TMEM266: variants seen among roughly 807,000 people sequenced by gnomAD.
TMEM266 encodes the protein Hv1 related protein 1.
A neutral mutation model predicts 50.5 loss-of-function variants in TMEM266; 33 were observed. The ratio of observed to expected loss-of-function variants is 0.65; its 90% CI spans 0.50 to 0.87. The LOEUF (loss-of-function observed/expected upper bound fraction) is 0.87, where lower values mean the gene tolerates loss of function less well. Ranked by LOEUF, TMEM266 falls within the 40% of genes least tolerant of loss-of-function variation. TMEM266 has a pLI of 0.00. For missense variants in TMEM266, 655 were observed against 695.1 expected, an observed-to-expected ratio of 0.94 and a Z score of 0.65; for synonymous variants, 310 against 292.3, an observed-to-expected ratio of 1.06 and a Z score of -0.62.
At chr15:76,137,302 A>G (rs1203082522) in intron 2 of TMEM266, among the ~76,000 whole-genome samples, 10 of 152,170 alleles carry the variant, frequency 6.6e-5, no homozygotes, top group Admixed American at 2.0e-4. Flanking sequence ...CACCTTTACA[A>G]AGAAACTCAG....
At chr15:76,142,217 C>T (rs1232162520) in intron 3 of TMEM266, among the ~76,000 whole-genome samples, 3 of 152,148 alleles carry the variant, frequency 2.0e-5, no homozygotes, top group Non-Finnish European at 2.9e-5. Flanking sequence ...GGCAAAACCC[C>T]GTCACTACTA....
intron 1 of TMEM266, among the ~76,000 whole-genome samples, chr15:76,086,226 A>T (rs2036775096): frequency 6.6e-6 from 1 of 152,220 alleles, no homozygotes; most frequent in African/African-American, 2.4e-5. Flanking sequence ...GCAATAACCT[A>T]GATGAGTCTC....
chr15:76,066,799 G>A (rs2036430917), intron 1 of TMEM266, among the ~76,000 whole-genome samples: 1 of 152,096 alleles, frequency 6.6e-6, no homozygotes, highest in African/African-American at 2.4e-5. Context: ...CACAACCCTG[G>A]AAGCCACAAA....
intron 1 of TMEM266, chr15:76,112,463 CTA>C (rs1157986458): frequency 1.3e-5 from 2 of 152,100 alleles, no homozygotes; most frequent in Non-Finnish European, 2.9e-5. Flanking sequence ...AAAATAAAGT[CTA>C]TTAATTTTTG....
chr15:76,110,149 G>A (rs932811684), intron 1 of TMEM266, among the ~76,000 whole-genome samples: 4 of 151,826 alleles, frequency 2.6e-5, no homozygotes, highest in Non-Finnish European at 1.5e-5. Context: ...ACAGGTGCAC[G>A]CCACCACACC....
intron 3 of TMEM266, among the ~76,000 whole-genome samples, chr15:76,151,621 G>A (rs2037844366): frequency 6.6e-6 from 1 of 152,090 alleles, no homozygotes; most frequent in Non-Finnish European, 1.5e-5. Context: ...TGATGCTCCA[G>A]GGCTGCTTGA....
chr15:76,092,719 A>T (rs1008066767), intron 1 of TMEM266, among the ~76,000 whole-genome samples: 2 of 151,590 alleles, frequency 1.3e-5, no homozygotes, highest in Admixed American at 6.6e-5. Flanking sequence ...TATAGCTAAT[A>T]GTCACTGAAT....
At chr15:76,135,257 G>A (rs1032047808) in intron 2 of TMEM266, among the ~76,000 whole-genome samples, 2 of 152,186 alleles carry the variant, frequency 1.3e-5, no homozygotes, top group East Asian at 1.9e-4. Context: ...CTACCATACC[G>A]TTCTTTGTAT....
At chr15:76,203,237 C>G (rs531847618) in intron 10 of TMEM266, among the ~76,000 whole-genome samples, 11 of 152,304 alleles carry the variant, frequency 7.2e-5, no homozygotes, top group African/African-American at 2.4e-4. Flanking sequence ...GTTCCCTGCC[C>G]TGGCACACCA....
At chr15:76,150,955 C>T (rs1427012338) in intron 3 of TMEM266, among the ~76,000 whole-genome samples, 2 of 152,182 alleles carry the variant, frequency 1.3e-5, no homozygotes, top group Non-Finnish European at 2.9e-5. Context: ...CCCTCCCACC[C>T]CAGGATTTCT....
Position 76,161,767 on chromosome 15 carries a change from T to C in TMEM266, c.456+1599T>C, listed in dbSNP as rs1040425417. Among the ~76,000 whole-genome samples, 5 of 152,122 alleles carry C rather than the reference T, an allele frequency of 3.3e-5. No individual in the cohort carries two copies. The highest frequency in any genetic ancestry group is 6.5e-5 in the Admixed American group (1 of 15,280). On this transcript the variant is annotated intron_variant, in intron 5 of 10. Coordinates refer to ENST00000388942, the MANE Select transcript of TMEM266 (RefSeq NM_152335.3). This position sits in a 1 kb window ranked among gnomAD's most constrained non-coding sequence, Gnocchi z 4.1. ...CAGAGCAGAGTGCCTGCTCCCCAGC[T>C]TACAGCCCCCATGTGGGTCTTGCCC... is the stretch of plus-strand genomic sequence containing the variant.
At chr15:76,116,404 C>G (rs1257140020) in intron 1 of TMEM266, among the ~76,000 whole-genome samples, 1 of 152,110 alleles carries the variant, frequency 6.6e-6, no homozygotes, top group Non-Finnish European at 1.5e-5. Flanking sequence ...AGGTATGCAC[C>G]CCTCCCTCAT....
At chr15:76,082,883 C>T (rs1167891490) in intron 1 of TMEM266, among the ~76,000 whole-genome samples, 1 of 152,104 alleles carries the variant, frequency 6.6e-6, no homozygotes, top group Non-Finnish European at 1.5e-5. Context: ...ACAGGAGAAT[C>T]ACTTGAGCCC....
In TMEM266 at chr15:76,137,694, C is replaced by T. The variant is rs182426528; in HGVS notation, c.39-13C>T. ...AGATAACTCTTTCCCATTGTTCCTCCTCTCCAACCCAGGCCTGCCATAGAA... is the reference window on the plus strand; with the variant it reads ...AGATAACTCTTTCCCATTGTTCCTCTTCTCCAACCCAGGCCTGCCATAGAA... On this transcript the variant is annotated splice_polypyrimidine_tract_variant and intron_variant, in intron 2 of 10. Coordinates refer to ENST00000388942, the MANE Select transcript of TMEM266 (RefSeq NM_152335.3). 382 of 1,613,346 alleles carry T rather than the reference C, an allele frequency of 2.4e-4. 4 individuals are homozygous for T. The East Asian group carries it at 8.5e-3, about 36-fold the overall frequency.
rs987140662 is a variant in TMEM266, at chr15:76,115,781, T to C, written c.-96-18387T>C. 2.0e-5 allele frequency among the ~76,000 whole-genome samples: 3 copies of C among 152,166 alleles called. No individual in the cohort carries two copies. In the East Asian group the frequency reaches 5.8e-4, roughly 29 times the overall value. ...TGGCCATCCTGCATCATTCAATATG[T>C]ATCCCTTCTATATTTGGGGAAATTC... On this transcript the variant is annotated intron_variant, in intron 1 of 10. Transcript: ENST00000388942.
At chr15:76,133,286 A>G (rs2037541582) in intron 1 of TMEM266, among the ~76,000 whole-genome samples, 1 of 151,938 alleles carries the variant, frequency 6.6e-6, no homozygotes. Flanking sequence ...ATACAAAAAC[A>G]TTAGCTGGAC....
At chr15:76,194,621 C>G (rs1362809577) in intron 9 of TMEM266, among the ~76,000 whole-genome samples, 1 of 152,170 alleles carries the variant, frequency 6.6e-6, no homozygotes, top group Non-Finnish European at 1.5e-5. Context: ...GGTTGCTTCC[C>G]TCTGGGGGCT....
intron 9 of TMEM266, among the ~76,000 whole-genome samples, chr15:76,194,331 G>T (rs1007594658): frequency 1.3e-5 from 2 of 152,120 alleles, no homozygotes; most frequent in Non-Finnish European, 2.9e-5. Context: ...CATCTTCATC[G>T]TTCAGCCTTT....
chr15:76,089,221 G>A (rs1442312064), intron 1 of TMEM266, among the ~76,000 whole-genome samples: 2 of 151,532 alleles, frequency 1.3e-5, no homozygotes, highest in Non-Finnish European at 2.9e-5. Context: ...TAGAGATGGA[G>A]TCTCGCTCTG....
Sources: allele counts gnomAD v4.1 joint callset (sites outside exome capture counted in the v4.1 genomes callset), GRCh38; gene constraint gnomAD v4.1.1; non-coding constraint Gnocchi (gnomAD v3.1); transcripts MANE v1.5; gene names NCBI Gene and HGNC (gene_info 2026-07-23, HGNC 2026-07-21).